MRTFB: variants seen among roughly 807,000 people sequenced by gnomAD.
The protein encoded by MRTFB is myocardin related transcription factor B, also known as myocardin-related transcription factor B.
A neutral mutation model predicts 104.2 loss-of-function variants in MRTFB; 29 were observed. The ratio of observed to expected loss-of-function variants is 0.28; its 90% CI spans 0.21 to 0.38. MRTFB has a LOEUF of 0.38. MRTFB is among the 10% of genes least tolerant of loss of function. The probability of loss-of-function intolerance (pLI) is 1.00; values close to 1 mark genes in which losing one functional copy is unlikely to be tolerated. For missense variants in MRTFB, 1,270 were observed against 1,341.6 expected, an observed-to-expected ratio of 0.95 and a Z score of 0.83; for synonymous variants, 535 against 519.5, an observed-to-expected ratio of 1.03 and a Z score of -0.41.
the MRTFB span, among the ~76,000 whole-genome samples, chr16:14,001,379 C>T: frequency 3.3e-5 from 5 of 152,216 alleles, no homozygotes; most frequent in Admixed American, 6.5e-5. Context: ...GGCATCTCCC[C>T]TTCTTGGGTT....
At position 14,085,273 on chromosome 16, in the gene MRTFB, T is replaced by C. The variant is rs554546845; in HGVS notation, c.-64+5919T>C. On this transcript the variant is annotated intron_variant, in intron 2 of 16. Coordinates refer to ENST00000571589, the MANE Select transcript of MRTFB (RefSeq NM_001308142.2). ...GAGTTTGAGACCAGCCTGGCCAACATGGTGGAACCCTGTCTCTACTAAAAA... is the reference window on the plus strand; with the variant it reads ...GAGTTTGAGACCAGCCTGGCCAACACGGTGGAACCCTGTCTCTACTAAAAA... 3.0e-4 allele frequency among the ~76,000 whole-genome samples: 45 copies of C among 151,726 alleles called. 1 individual carries two copies. Among genetic ancestry groups the C allele is most frequent in the African/African-American group, 1.0e-3 (43 of 41,360 alleles).
chr16:14,092,934 T>A (rs753008417), intron 2 of MRTFB: 3 of 152,234 alleles, frequency 2.0e-5, no homozygotes, highest in South Asian at 2.1e-4. Context: ...AAATAGCAGA[T>A]GTTAACTTAG....
At chr16:14,144,954 A>AT (rs2038222082) in intron 3 of MRTFB, among the ~76,000 whole-genome samples, 3 of 131,422 alleles carry the variant, frequency 2.3e-5, no homozygotes, top group Admixed American at 7.6e-5. Context: ...GTCTCAAAAA[A>AT]AAAAAAAATA....
At chr16:14,231,284 A>C (rs1475836824) in intron 8 of MRTFB, among the ~76,000 whole-genome samples, 1 of 149,682 alleles carries the variant, frequency 6.7e-6, no homozygotes, top group Non-Finnish European at 1.5e-5. Flanking sequence ...AAAGTATAAT[A>C]ATAATAAAAT....
chr16:14,193,718 T>C (rs764816791), intron 3 of MRTFB: 5 of 152,152 alleles, frequency 3.3e-5, no homozygotes, highest in Admixed American at 6.5e-5. Context: ...TTTCCTGGGA[T>C]AGAATAACCA....
At chr16:14,171,309 G>A (rs865874144) in intron 3 of MRTFB, among the ~76,000 whole-genome samples, 1 of 152,128 alleles carries the variant, frequency 6.6e-6, no homozygotes, top group Middle Eastern at 3.2e-3. Flanking sequence ...TGGGCATGGT[G>A]CTCACGCCTG....
chr16:14,112,066 T>G (rs892244412), intron 2 of MRTFB, among the ~76,000 whole-genome samples: 20 of 152,156 alleles, frequency 1.3e-4, no homozygotes, highest in African/African-American at 3.4e-4. Context: ...AAGGGCAGTG[T>G]GGAGTAGGGG....
intron 3 of MRTFB, chr16:14,143,980 A>G (rs367775117): frequency 3.9e-5 from 6 of 152,230 alleles, no homozygotes; most frequent in East Asian, 3.8e-4. Context: ...ATATTTGACT[A>G]CGTTTTAAAA....
At chr16:14,201,726 A>G (rs1199364407) in intron 3 of MRTFB, among the ~76,000 whole-genome samples, 1 of 152,204 alleles carries the variant, frequency 6.6e-6, no homozygotes, top group African/African-American at 2.4e-5. Flanking sequence ...TTTTACCACT[A>G]AAAGAGCATT....
chr16:14,113,290 C>T (rs1341821629), intron 2 of MRTFB, among the ~76,000 whole-genome samples: 3 of 152,230 alleles, frequency 2.0e-5, no homozygotes, highest in African/African-American at 4.8e-5. Flanking sequence ...GTGATCCACC[C>T]GCCTTGGCCT....
the MRTFB span, among the ~76,000 whole-genome samples, chr16:13,995,102 C>G: frequency 6.6e-6 from 1 of 152,100 alleles, no homozygotes; most frequent in Non-Finnish European, 1.5e-5. Flanking sequence ...AAATGATTGA[C>G]AAAGACTGAA....
chr16:14,027,196 C>CA, the MRTFB span, among the ~76,000 whole-genome samples: 2 of 151,672 alleles, frequency 1.3e-5, no homozygotes, highest in Non-Finnish European at 2.9e-5. Context: ...TACTCAGCCA[C>CA]AAAAAAAGAA....
At chr16:14,226,548 C>A (rs2042011397) in intron 8 of MRTFB, among the ~76,000 whole-genome samples, 1 of 152,084 alleles carries the variant, frequency 6.6e-6, no homozygotes, top group Admixed American at 6.6e-5. Context: ...AGACAAAGAT[C>A]TAAATATAAT....
At chr16:14,059,921 G>T in the MRTFB span, among the ~76,000 whole-genome samples, 1 of 151,234 alleles carries the variant, frequency 6.6e-6, no homozygotes, top group African/African-American at 2.4e-5. Flanking sequence ...CCATGTGCTC[G>T]CTGTATGATC....
intron 3 of MRTFB, among the ~76,000 whole-genome samples, chr16:14,195,052 A>G (rs373812663): frequency 6.6e-6 from 1 of 152,202 alleles, no homozygotes; most frequent in African/African-American, 2.4e-5. Context: ...AGGAGGTGCA[A>G]GTATCCAGTG....
chr16:14,009,916 C>T, the MRTFB span: 3 of 152,346 alleles, frequency 2.0e-5, no homozygotes, highest in African/African-American at 7.2e-5. Flanking sequence ...CACGACTCCC[C>T]CTTCCACCCC....
In MRTFB at chr16:14,261,488, T is replaced by G. The variant is rs2043778322; in HGVS notation, c.*44T>G. The G allele has an allele frequency of 4.6e-6, 7 of 1,520,254 alleles. No individual in the cohort carries two copies. Among genetic ancestry groups the G allele is most frequent in the Non-Finnish European group, 6.2e-6 (7 of 1,130,246 alleles). The allele number at this position is 1,520,254 out of a possible 1,614,324, so 94.2% of individuals were successfully genotyped here. A position where few individuals can be genotyped will look rare whatever the true frequency, so the allele number is the denominator to read the frequency against. ...TGAGAGTTGATGAGGTTTAAGAACA[T>G]GAAGATTCTAAAAGGTCAGTTTTTA... On this transcript the variant is annotated 3_prime_UTR_variant, in exon 17 of 17. Transcript: ENST00000571589.
chr16:14,147,525 A>C (rs2038378728), intron 3 of MRTFB, among the ~76,000 whole-genome samples: 1 of 152,178 alleles, frequency 6.6e-6, no homozygotes, highest in Non-Finnish European at 1.5e-5. Flanking sequence ...TTATTTAGAC[A>C]GTTTTTGTTG....
chr16:14,187,541 C>T lies in MRTFB; in HGVS notation c.155-22702C>T, dbSNP rs146412296. ...TAATTGGTTGTAATGCGCATTGCAT[C>T]GTTTTTTGTTTTAAAAAGCACATTG... On this transcript the variant is annotated intron_variant, in intron 3 of 16. Transcript: ENST00000571589. 3.5e-3 allele frequency among the ~76,000 whole-genome samples: 529 copies of T among 152,282 alleles called. 4 individuals carry two copies. Among genetic ancestry groups the T allele is most frequent in the South Asian group, 0.015 (70 of 4,814 alleles).
Sources: gnomAD v4.1 joint callset for allele counts (sites outside exome capture counted in the v4.1 genomes callset) on GRCh38, gnomAD v4.1.1 for gene constraint, MANE v1.5 for transcripts, NCBI Gene and HGNC (gene_info 2026-07-23, HGNC 2026-07-21) for gene names.